Variants in ANK3 observed in about 807,000 individuals in gnomAD.
ANK3 encodes ankyrin 3, also known as ankyrin-3.
A neutral mutation model predicts 370.9 loss-of-function variants in ANK3; 57 were observed. The observed-to-expected ratio is 0.15, with a 90% CI of 0.12 to 0.19. ANK3 has a LOEUF of 0.19. Ranked by LOEUF, ANK3 falls within the 10% of genes least tolerant of loss-of-function variation. ANK3 has a pLI of 1.00. For synonymous variants in ANK3, 1,929 were observed against 1,946.3 expected, an observed-to-expected ratio of 0.99 and a Z score of 0.23; for missense variants, 4,439 against 5,302.1, an observed-to-expected ratio of 0.84 and a Z score of 5.06.
At chr10:60,050,887 A>C (rs1349024473) in intron 42 of ANK3, among the ~76,000 whole-genome samples, 1 of 152,050 alleles carries the variant, frequency 6.6e-6, no homozygotes, top group Non-Finnish European at 1.5e-5. Context: ...TGTGTTAGTA[A>C]AGTTAAACAA....
intron 2 of ANK3, among the ~76,000 whole-genome samples, chr10:60,502,469 C>A (rs2075825536): frequency 6.6e-6 from 1 of 152,146 alleles, no homozygotes; most frequent in Admixed American, 6.6e-5. Context: ...ATAATCGTTG[C>A]CAAAGCTCAA....
chr10:60,279,207 C>A lies in ANK3; in HGVS notation c.217-59G>T, dbSNP rs1196340237. On this transcript the variant is annotated intron_variant, in intron 2 of 43. Coordinates refer to ENST00000280772, the MANE Select transcript of ANK3 (RefSeq NM_020987.5). The stretch of plus-strand genomic sequence containing the variant: ...AGGTTGAAAATAGAGCAGTAAACAA[C>A]CGACCAAGAACTCCTGAGATATTAT... 3.5e-6 allele frequency: 5 copies of A among 1,436,244 alleles called. No homozygotes were observed. The African/African-American group carries it at 7.0e-5, about 20-fold the overall frequency. The allele number at this position is 1,436,244 out of a possible 1,614,324, so 89.0% of individuals were successfully genotyped here. A position where few individuals can be genotyped will look rare whatever the true frequency, so the allele number is the denominator to read the frequency against.
At chr10:60,496,264 A>G (rs1007674154) in intron 2 of ANK3, among the ~76,000 whole-genome samples, 1 of 152,228 alleles carries the variant, frequency 6.6e-6, no homozygotes, top group Admixed American at 6.5e-5. Flanking sequence ...TACCAATTCA[A>G]ACAAGTATTG....
chr10:60,538,958 G>A (rs2076785560), intron 2 of ANK3, among the ~76,000 whole-genome samples: 7 of 151,796 alleles, frequency 4.6e-5, no homozygotes, highest in Admixed American at 4.6e-4. Flanking sequence ...ACTGACCCAA[G>A]CTGTTTCCAC....
At chr10:60,723,133 TC>T (rs2079888455) in intron 1 of ANK3, among the ~76,000 whole-genome samples, 1 of 152,186 alleles carries the variant, frequency 6.6e-6, no homozygotes, top group Admixed American at 6.6e-5. Flanking sequence ...AATTACCTAA[TC>T]ATACAATTTG....
intron 4 of ANK3, among the ~76,000 whole-genome samples, chr10:60,272,082 G>C (rs2132677382): frequency 8.7e-6 from 1 of 115,080 alleles, no homozygotes; most frequent in East Asian, 2.5e-4. Flanking sequence ...TTGGAACACT[G>C]TGGGATTTGT....
At chr10:60,646,781 T>C (rs1434234659) in intron 1 of ANK3, among the ~76,000 whole-genome samples, 1 of 152,026 alleles carries the variant, frequency 6.6e-6, no homozygotes, top group Non-Finnish European at 1.5e-5. Context: ...AATGTGAAAA[T>C]GTAGAATGCT....
chr10:60,494,661 G>T (rs1248023742), intron 2 of ANK3, among the ~76,000 whole-genome samples: 1 of 152,006 alleles, frequency 6.6e-6, no homozygotes, highest in East Asian at 1.9e-4. Flanking sequence ...AAAATTGAGT[G>T]ACCAGTTTTA....
chr10:60,142,046 G>A (rs764715045), intron 23 of ANK3, among the ~76,000 whole-genome samples: 14 of 152,102 alleles, frequency 9.2e-5, no homozygotes, highest in South Asian at 2.1e-4. Flanking sequence ...ATTTCGAATC[G>A]AAACTACAGA....
intron 1 of ANK3, among the ~76,000 whole-genome samples, chr10:60,280,360 A>T (rs6479708): frequency 0.76 from 116,343 of 152,158 alleles, 44,643 homozygotes; most frequent in South Asian, 0.91. Flanking sequence ...TTAACCCATT[A>T]TATGTTGTAC....
chr10:60,161,062 A>G (rs1260346728), intron 23 of ANK3, among the ~76,000 whole-genome samples: 1 of 152,214 alleles, frequency 6.6e-6, no homozygotes, highest in East Asian at 1.9e-4. Context: ...TGAGAAAGAA[A>G]TAAAGGACAT....
At chr10:60,707,048 C>A (rs1156877121) in intron 1 of ANK3, among the ~76,000 whole-genome samples, 1 of 152,114 alleles carries the variant, frequency 6.6e-6, no homozygotes, top group African/African-American at 2.4e-5. Flanking sequence ...AATATTCCTT[C>A]ACTCTAAATT....
rs1393401509 is a variant in ANK3, at chr10:60,071,902, T to C, written c.8979A>G (p.Lys2993=). ...SAFPKHELSQ[K]LSQSSMSKET... ...CTTTACTCATGCTTGACTGGGACAA[T>C]TTTTGTGATAGTTCATGTTTTGGAA... The change falls in exon 37 of 44, where the codon AAA becomes AAG. Residue 2993 remains lysine (K), a synonymous_variant. Transcript: ENST00000280772. 6 of 1,614,088 alleles carry C rather than the reference T, an allele frequency of 3.7e-6. No individual in the cohort carries two copies. The highest frequency in any genetic ancestry group is 5.1e-6 in the Non-Finnish European group (6 of 1,179,990).
chr10:60,145,266 G>T (rs2094758056), intron 23 of ANK3, among the ~76,000 whole-genome samples: 2 of 152,136 alleles, frequency 1.3e-5, no homozygotes, highest in Non-Finnish European at 2.9e-5. Flanking sequence ...AGAATAAAGA[G>T]AAACAGTGTC....
At chr10:60,507,341 GA>G (rs1479783454) in intron 2 of ANK3, among the ~76,000 whole-genome samples, 1 of 151,716 alleles carries the variant, frequency 6.6e-6, no homozygotes, top group Non-Finnish European at 1.5e-5. Flanking sequence ...TATTCACTTA[GA>G]AAAAAATCAA....
chr10:60,080,681 A>C (rs2084989090), intron 35 of ANK3, 63 bp from the exon 36 acceptor site: 1 of 1,287,224 alleles, frequency 7.8e-7, no homozygotes, highest in Non-Finnish European at 1.1e-6. Flanking sequence ...TTCAGTTTTA[A>C]GACATTTTGT....
intron 43 of ANK3, among the ~76,000 whole-genome samples, chr10:60,030,680 T>A (rs1343196686): frequency 6.6e-6 from 1 of 152,188 alleles, no homozygotes; most frequent in African/African-American, 2.4e-5. Flanking sequence ...CATTACCCTA[T>A]GCTTCTGAAA....
At chr10:60,697,484 C>A (rs1379916105) in intron 1 of ANK3, among the ~76,000 whole-genome samples, 3 of 148,570 alleles carry the variant, frequency 2.0e-5, no homozygotes, top group South Asian at 4.4e-4. Context: ...GGAGGCATCA[C>A]GCTACCTGAC....
chr10:60,445,116 GT>G, intron 2 of ANK3, among the ~76,000 whole-genome samples: 1 of 152,142 alleles, frequency 6.6e-6, no homozygotes, highest in Non-Finnish European at 1.5e-5. Flanking sequence ...TTGAAACTAT[GT>G]TTTAAAAAAC....
Sources: allele counts gnomAD v4.1 joint callset (sites outside exome capture counted in the v4.1 genomes callset), GRCh38; gene constraint gnomAD v4.1.1; transcripts MANE v1.5; gene names NCBI Gene and HGNC (gene_info 2026-07-23, HGNC 2026-07-21).